The following ANKS1B variants were observed in gnomAD, a reference collection of about 807,000 sequenced individuals.
ANKS1B encodes the protein ankyrin repeat and sterile alpha motif domain-containing protein 1B.
A neutral mutation model predicts 148.3 loss-of-function variants in ANKS1B; 36 were observed. The ratio of observed to expected loss-of-function variants is 0.24; its 90% CI spans 0.19 to 0.32. The LOEUF is 0.32. Ranked by LOEUF, ANKS1B falls within the 10% of genes least tolerant of loss-of-function variation. The probability of loss-of-function intolerance (pLI) is 1.00; values close to 1 mark genes in which losing one functional copy is unlikely to be tolerated. For missense variants in ANKS1B, 1,157 were observed against 1,542.6 expected (o/e 0.75, Z 4.19); for synonymous variants, 542 against 560.8 (o/e 0.97, Z 0.47).
intron 15 of ANKS1B, among the ~76,000 whole-genome samples, chr12:99,146,356 T>TA (rs1379445017): frequency 6.6e-6 from 1 of 152,116 alleles, no homozygotes; most frequent in Non-Finnish European, 1.5e-5. Context: ...GAGGGACAGT[T>TA]ACGCCAGCCA....
chr12:98,895,233 T>G, intron 17 of ANKS1B: 3 of 985,494 alleles, frequency 3.0e-6, no homozygotes, highest in Non-Finnish European at 3.6e-6. Flanking sequence ...CGCGGGGGCC[T>G]CCTCCTGGCT....
chr12:99,361,737 A>T (rs929634958), intron 12 of ANKS1B, among the ~76,000 whole-genome samples: 4 of 152,100 alleles, frequency 2.6e-5, no homozygotes, highest in African/African-American at 7.2e-5. Flanking sequence ...ATGTATTATT[A>T]AAACCTCTAA....
intron 9 of ANKS1B, among the ~76,000 whole-genome samples, chr12:99,532,962 G>A (rs889196892): frequency 2.0e-5 from 3 of 152,150 alleles, no homozygotes; most frequent in Non-Finnish European, 4.4e-5. Flanking sequence ...GTCATGTGAT[G>A]CATCTAGATT....
intron 17 of ANKS1B, among the ~76,000 whole-genome samples, chr12:99,010,520 T>C (rs988895930): frequency 1.3e-5 from 2 of 152,124 alleles, no homozygotes; most frequent in African/African-American, 2.4e-5. Context: ...ATATAAAATA[T>C]CTCATTGAAA....
chr12:99,384,655 T>C (rs1437845409), intron 12 of ANKS1B, among the ~76,000 whole-genome samples: 1 of 139,460 alleles, frequency 7.2e-6, no homozygotes, highest in East Asian at 2.4e-4. Flanking sequence ...CCTCCTCTCC[T>C]CTCTTTCTCC....
intron 8 of ANKS1B, among the ~76,000 whole-genome samples, chr12:99,690,843 C>G (rs1567651397): frequency 6.6e-6 from 1 of 152,210 alleles, no homozygotes; most frequent in Non-Finnish European, 1.5e-5. Flanking sequence ...CTCCACTAGG[C>G]ACTGCCCCAG....
At chr12:98,819,524 G>A (rs917141206) in intron 19 of ANKS1B, among the ~76,000 whole-genome samples, 1 of 152,154 alleles carries the variant, frequency 6.6e-6, no homozygotes, top group African/African-American at 2.4e-5. Context: ...GTTATAGGGA[G>A]GCTTATTTCA....
chr12:99,799,459 T>G (rs889869919), intron 4 of ANKS1B, among the ~76,000 whole-genome samples: 1 of 152,114 alleles, frequency 6.6e-6, no homozygotes, highest in Non-Finnish European at 1.5e-5. Flanking sequence ...CTCACTGCAA[T>G]TTATCATTTT....
intron 1 of ANKS1B, among the ~76,000 whole-genome samples, chr12:99,891,794 T>C (rs1255876890): frequency 6.6e-6 from 1 of 152,282 alleles, no homozygotes; most frequent in East Asian, 1.9e-4. Flanking sequence ...AGTTATGCTT[T>C]TAGAAAAAAA....
chr12:99,701,893 G>T, intron 8 of ANKS1B, among the ~76,000 whole-genome samples: 1 of 152,212 alleles, frequency 6.6e-6, no homozygotes, highest in African/African-American at 2.4e-5. Context: ...TGTCTGCATA[G>T]AACTCCATCA....
chr12:99,396,521 G>C (rs2094248356), intron 12 of ANKS1B, among the ~76,000 whole-genome samples: 1 of 152,134 alleles, frequency 6.6e-6, no homozygotes, highest in South Asian at 2.1e-4. Flanking sequence ...CATGGTATTG[G>C]AAACCATTTC....
chr12:99,430,212 A>G (rs1451432752), intron 11 of ANKS1B, among the ~76,000 whole-genome samples: 1 of 152,334 alleles, frequency 6.6e-6, no homozygotes, highest in African/African-American at 2.4e-5. Flanking sequence ...AGAAGAGATG[A>G]CATCAAGGAA....
intron 9 of ANKS1B, among the ~76,000 whole-genome samples, chr12:99,533,928 C>T (rs2097031581): frequency 6.6e-6 from 1 of 152,022 alleles, no homozygotes; most frequent in Non-Finnish European, 1.5e-5. Context: ...AAAATTAAGT[C>T]TTAAAAATAT....
chr12:99,827,125 A>T (rs2083300147), intron 1 of ANKS1B, among the ~76,000 whole-genome samples: 1 of 152,052 alleles, frequency 6.6e-6, no homozygotes, highest in Non-Finnish European at 1.5e-5. Context: ...CCACCCCCAC[A>T]ACAAAAAAAA....
chr12:98,934,465 T>G (rs1481486925), intron 17 of ANKS1B, among the ~76,000 whole-genome samples: 1 of 152,102 alleles, frequency 6.6e-6, no homozygotes, highest in Non-Finnish European at 1.5e-5. Flanking sequence ...AAGATTGACT[T>G]GGCTAAGAAT....
chr12:99,430,245 T>A (rs1203889652), intron 11 of ANKS1B, among the ~76,000 whole-genome samples: 2 of 152,126 alleles, frequency 1.3e-5, no homozygotes, highest in Non-Finnish European at 2.9e-5. Context: ...GCTATTTCAG[T>A]AATCAAGTCA....
At chr12:99,807,035 T>C (rs913970442) in intron 3 of ANKS1B, among the ~76,000 whole-genome samples, 1 of 152,202 alleles carries the variant, frequency 6.6e-6, no homozygotes, top group Admixed American at 6.5e-5. Flanking sequence ...ATCACATCTT[T>C]AGACATTTAT....
At chr12:98,952,329 C>A (rs2099855301) in intron 17 of ANKS1B, among the ~76,000 whole-genome samples, 4 of 152,204 alleles carry the variant, frequency 2.6e-5, no homozygotes, top group Non-Finnish European at 5.9e-5. Flanking sequence ...CCTTGGCCTC[C>A]TGGGGCCACG....
intron 17 of ANKS1B, among the ~76,000 whole-genome samples, chr12:98,905,313 T>C (rs1293823951): frequency 6.6e-6 from 1 of 152,210 alleles, no homozygotes; most frequent in Non-Finnish European, 1.5e-5. Context: ...AGCTTTGCTC[T>C]GAAACGTTCT....
Sources: allele counts gnomAD v4.1 joint callset (sites outside exome capture counted in the v4.1 genomes callset), GRCh38; gene constraint gnomAD v4.1.1; transcripts MANE v1.5; gene names NCBI Gene and HGNC (gene_info 2026-07-23, HGNC 2026-07-21).